Variants in SAMD12 observed in about 807,000 individuals in gnomAD.
SAMD12 encodes the protein sterile alpha motif domain containing 12.
SAMD12 carries 9 observed loss-of-function variants against 15.0 expected under a neutral mutation model. That is an observed-to-expected ratio of 0.60 (90% confidence interval 0.36 to 1.05). The LOEUF (loss-of-function observed/expected upper bound fraction) is 1.05. Ranked by LOEUF, SAMD12 falls within the 50% of genes least tolerant of loss-of-function variation. SAMD12 has a pLI of 0.01. For missense variants in SAMD12, 230 were observed against 234.2 expected (o/e 0.98, Z 0.12); for synonymous variants, 86 against 90.1 (o/e 0.96, Z 0.25).
chr8:118,526,483 T>C lies in SAMD12; in HGVS notation c.192+54232A>G, dbSNP rs142900439. On this transcript the variant is annotated intron_variant, in intron 2 of 3. Transcript: ENST00000314727. ...GAAGCCCAGAGACCTGTAGTTTTAA[T>C]AGGCACCCAGGTGATTCTGATGCAG... Among the ~76,000 whole-genome samples the C allele has an allele frequency of 6.2e-3, 949 of 152,224 alleles. 7 individuals carry two copies. The highest frequency in any genetic ancestry group is 0.02 in the Middle Eastern group (6 of 294).
intron 2 of SAMD12, among the ~76,000 whole-genome samples, chr8:118,441,742 G>A (rs138893069): frequency 2.0e-5 from 3 of 152,070 alleles, no homozygotes; most frequent in Non-Finnish European, 2.9e-5. Flanking sequence ...ATTTCAGCAG[G>A]GTTATGTGAC....
chr8:118,292,668 T>C (rs1217867340), intron 4 of SAMD12, among the ~76,000 whole-genome samples: 1 of 151,664 alleles, frequency 6.6e-6, no homozygotes, highest in Non-Finnish European at 1.5e-5. Flanking sequence ...CCAACAATGA[T>C]AGACTGGATT....
rs550471835 is a variant in SAMD12, at chr8:118,316,160, T to C, written c.433+63400A>G. ...CACATACTGAAAGAAGGTAGACGAC[T>C]ACCAGACAAGGTTTGCAAGGGAGGT... On this transcript the variant is annotated intron_variant, in intron 4 of 4. Transcript: ENST00000409003. Among the ~76,000 whole-genome samples, 3 of 152,206 alleles carry C rather than the reference T, an allele frequency of 2.0e-5. No individual in the cohort carries two copies. In the South Asian group the frequency reaches 6.2e-4, roughly 32 times the overall value.
intron 2 of SAMD12, among the ~76,000 whole-genome samples, chr8:118,561,382 C>A (rs1050789733): frequency 6.6e-6 from 1 of 152,068 alleles, no homozygotes; most frequent in African/African-American, 2.4e-5. Flanking sequence ...AAAACTTTAA[C>A]CTTTATCATT....
intron 2 of SAMD12, among the ~76,000 whole-genome samples, chr8:118,455,428 C>T (rs377425174): frequency 5.9e-5 from 9 of 152,136 alleles, no homozygotes; most frequent in African/African-American, 1.2e-4. Flanking sequence ...TTCTCTCTAC[C>T]GCACTAGTTA....
In SAMD12 at chr8:118,379,011, T is replaced by C; in HGVS notation, c.*406A>G. ...TGGGGTTCTTACAATCTCTAAAGTG[T>C]GTGTGTATAATACATTCATGTATAG... On this transcript the variant is annotated 3_prime_UTR_variant, in exon 4 of 4. Coordinates refer to ENST00000314727, the MANE Select transcript of SAMD12 (RefSeq NM_207506.3). 2.0e-6 allele frequency: 2 copies of C among 990,360 alleles called. No homozygotes were observed. The highest frequency in any genetic ancestry group is 2.4e-6 in the Non-Finnish European group (2 of 829,250). The allele number at this position is 990,360 out of a possible 1,614,324, so 61.3% of individuals were successfully genotyped here.
chr8:118,519,048 GA>G (rs993268943), intron 2 of SAMD12, among the ~76,000 whole-genome samples: 3 of 152,052 alleles, frequency 2.0e-5, no homozygotes, highest in East Asian at 1.9e-4. Context: ...CAGCAGGAGG[GA>G]AAAAAAGTCA....
chr8:118,166,860 A>G, the SAMD12 span, among the ~76,000 whole-genome samples: 1 of 152,118 alleles, frequency 6.6e-6, no homozygotes, highest in African/African-American at 2.4e-5. Flanking sequence ...CCCCTTATGT[A>G]TATCTGGGTG....
intron 4 of SAMD12, among the ~76,000 whole-genome samples, chr8:118,356,949 C>T (rs1175383088): frequency 6.6e-6 from 1 of 152,206 alleles, no homozygotes; most frequent in East Asian, 1.9e-4. Context: ...TTCGCTCTGG[C>T]TATGACCTCA....
At chr8:118,397,837 G>C (rs991147892) in intron 3 of SAMD12, among the ~76,000 whole-genome samples, 2 of 152,114 alleles carry the variant, frequency 1.3e-5, no homozygotes, top group African/African-American at 2.4e-5. Flanking sequence ...CTGTCACCCA[G>C]GTTGGAGTGC....
At chr8:118,289,720 A>AT in intron 4 of SAMD12, among the ~76,000 whole-genome samples, 1 of 152,230 alleles carries the variant, frequency 6.6e-6, no homozygotes, top group East Asian at 1.9e-4. Flanking sequence ...TTTTGTTATC[A>AT]TTTTTTTGAT....
chr8:118,318,308 GTGTATA>G lies in SAMD12; in HGVS notation c.433+61246_433+61251del, dbSNP rs1346636067. Among the ~76,000 whole-genome samples, 96 of 57,466 alleles carry G rather than the reference GTGTATA, an allele frequency of 1.7e-3. 1 individual carries two copies. The highest frequency in any genetic ancestry group is 5.3e-3 in the African/African-American group (59 of 11,124). The allele number at this position is 57,466 out of a possible 152,430, so 37.7% of individuals were successfully genotyped here. On this transcript the variant is annotated intron_variant, in intron 4 of 4. Coordinates refer to the SAMD12 transcript ENST00000409003. ...GATTAAAAAAATATGGGAGATATAT[GTGTATA>G]TATATATATATATATATATATATAT... is the stretch of plus-strand genomic sequence containing the variant.
exon 5 of SAMD12, chr8:118,189,946 G>GAAAAAAAAAAAAAAAAAAAA (rs895075538): frequency 1.4e-5 from 1 of 69,064 alleles, no homozygotes; most frequent in African/African-American, 5.4e-5. Flanking sequence ...ATGCACAGAG[G>GAAAAAAAAAAAAAAAAAAAA]AAAAAAAAAA....
At chr8:118,358,469 G>A (rs1403174899) in intron 4 of SAMD12, among the ~76,000 whole-genome samples, 1 of 152,096 alleles carries the variant, frequency 6.6e-6, no homozygotes, top group African/African-American at 2.4e-5. Context: ...ACAACCAGCG[G>A]CCAATTTCAG....
At chr8:118,428,077 T>C (rs1822286639) in intron 3 of SAMD12, among the ~76,000 whole-genome samples, 1 of 152,252 alleles carries the variant, frequency 6.6e-6, no homozygotes, top group East Asian at 1.9e-4. Flanking sequence ...TTGTATTTTC[T>C]TTGTGACGTA....
At chr8:118,332,563 T>C (rs1439815736) in intron 4 of SAMD12, among the ~76,000 whole-genome samples, 1 of 152,210 alleles carries the variant, frequency 6.6e-6, no homozygotes, top group East Asian at 1.9e-4. Flanking sequence ...AGCATAAGCA[T>C]TGCAGTGATA....
chr8:118,386,729 C>A (rs1307136442), intron 3 of SAMD12, among the ~76,000 whole-genome samples: 1 of 152,190 alleles, frequency 6.6e-6, no homozygotes, highest in African/African-American at 2.4e-5. Flanking sequence ...GGTCTCTGGT[C>A]TCTATTCCAG....
the SAMD12 span, among the ~76,000 whole-genome samples, chr8:118,149,476 T>TA: frequency 6.6e-6 from 1 of 152,234 alleles, no homozygotes; most frequent in Non-Finnish European, 1.5e-5. Context: ...TTTATTTTCT[T>TA]ACAAATGAAT....
intron 4 of SAMD12, among the ~76,000 whole-genome samples, chr8:118,325,816 T>C (rs1232382547): frequency 2.6e-5 from 4 of 152,182 alleles, no homozygotes; most frequent in African/African-American, 9.7e-5. Flanking sequence ...AAATTGAACA[T>C]CAATGATGTA....
Sources: allele counts gnomAD v4.1 joint callset (sites outside exome capture counted in the v4.1 genomes callset), GRCh38; gene constraint gnomAD v4.1.1; transcripts MANE v1.5; gene names NCBI Gene and HGNC (gene_info 2026-07-23, HGNC 2026-07-21).